NLGN1: variants seen among roughly 807,000 people sequenced by gnomAD.
NLGN1 encodes neuroligin-1.
Under a neutral mutation model 65.5 loss-of-function variants are expected in NLGN1, and 12 were observed. The observed-to-expected ratio is 0.18, with a 90% CI of 0.12 to 0.30. The LOEUF (loss-of-function observed/expected upper bound fraction) is 0.30. Ranked by LOEUF, NLGN1 falls within the 10% of genes least tolerant of loss-of-function variation. The pLI is 1.00. For synonymous variants in NLGN1, 350 were observed against 359.5 expected (o/e 0.97, Z 0.30); for missense variants, 750 against 1,007.1 (o/e 0.74, Z 3.46).
At chr3:173,964,125 T>A (rs1424919085) in intron 4 of NLGN1, among the ~76,000 whole-genome samples, 1 of 152,026 alleles carries the variant, frequency 6.6e-6, no homozygotes, top group Non-Finnish European at 1.5e-5. Context: ...CTTAAACACA[T>A]CCTATGTGTG....
chr3:174,026,523 T>C (rs1409815589), intron 4 of NLGN1, among the ~76,000 whole-genome samples: 1 of 152,012 alleles, frequency 6.6e-6, no homozygotes, highest in Non-Finnish European at 1.5e-5. Flanking sequence ...AAATGAGAAA[T>C]ACAGCACAAA....
At chr3:173,820,179 GA>G (rs63081662) in intron 4 of NLGN1, among the ~76,000 whole-genome samples, 96,961 of 137,082 alleles carry the variant, frequency 0.71, 33,527 homozygotes, top group Non-Finnish European at 0.74. Context: ...ATTCAGTCTC[GA>G]AAAAAAAAAA....
intron 4 of NLGN1, among the ~76,000 whole-genome samples, chr3:173,856,969 G>A (rs1728102898): frequency 6.6e-6 from 1 of 151,026 alleles, no homozygotes; most frequent in African/African-American, 2.4e-5. Context: ...GGAATGCCAG[G>A]AAATTGAAGA....
chr3:174,094,216 A>G (rs1745038634), intron 4 of NLGN1, among the ~76,000 whole-genome samples: 1 of 152,220 alleles, frequency 6.6e-6, no homozygotes, highest in African/African-American at 2.4e-5. Context: ...CTAAAAAGCA[A>G]TTTATAAGTT....
At chr3:173,995,649 TTC>T (rs1444408788) in intron 4 of NLGN1, among the ~76,000 whole-genome samples, 1 of 151,624 alleles carries the variant, frequency 6.6e-6, no homozygotes, top group Non-Finnish European at 1.5e-5. Flanking sequence ...TGTTTTTTTT[TTC>T]TTTTTCTTTC....
chr3:174,291,606 T>C (rs1752769648), downstream of NLGN1, among the ~76,000 whole-genome samples: 1 of 151,276 alleles, frequency 6.6e-6, no homozygotes, highest in Non-Finnish European at 1.5e-5. Flanking sequence ...ATACAAAAGA[T>C]AAGACGTTAG....
chr3:173,796,422 C>T (rs373980460), intron 3 of NLGN1, among the ~76,000 whole-genome samples: 18 of 152,184 alleles, frequency 1.2e-4, no homozygotes, highest in African/African-American at 4.1e-4. Context: ...TCATGTTAAT[C>T]GAAAAGAAAC....
chr3:173,708,153 G>C (rs1768346944), intron 3 of NLGN1, among the ~76,000 whole-genome samples: 1 of 152,104 alleles, frequency 6.6e-6, no homozygotes, highest in African/African-American at 2.4e-5. Context: ...CGTTTTGTGG[G>C]GCATGGGCCA....
chr3:174,221,903 G>A (rs1262084575), intron 4 of NLGN1, among the ~76,000 whole-genome samples: 1 of 151,910 alleles, frequency 6.6e-6, no homozygotes, highest in Non-Finnish European at 1.5e-5. Context: ...TCTGAATGTT[G>A]CTCATGTTTT....
At chr3:173,579,977 G>A (rs1272758115) in intron 2 of NLGN1, among the ~76,000 whole-genome samples, 1 of 151,958 alleles carries the variant, frequency 6.6e-6, no homozygotes, top group African/African-American at 2.4e-5. Flanking sequence ...AGGTATATAT[G>A]TTTATGGGGT....
At chr3:173,409,267 T>C (rs1231421862) in intron 1 of NLGN1, among the ~76,000 whole-genome samples, 2 of 152,232 alleles carry the variant, frequency 1.3e-5, no homozygotes, top group African/African-American at 2.4e-5. Flanking sequence ...TGTATACATA[T>C]ATATCAATAT....
intron 4 of NLGN1, among the ~76,000 whole-genome samples, chr3:174,019,614 C>A (rs7621927): frequency 0.024 from 3,669 of 152,136 alleles, 150 homozygotes; most frequent in African/African-American, 0.084. Flanking sequence ...TAGTTAGAGA[C>A]AGGTAGAGAG....
chr3:174,078,852 T>C (rs1741545362), intron 4 of NLGN1, among the ~76,000 whole-genome samples: 1 of 152,186 alleles, frequency 6.6e-6, no homozygotes, highest in African/African-American at 2.4e-5. Flanking sequence ...TTTTGCAACT[T>C]ACTACTCTGG....
At chr3:174,026,969 T>C (rs888616808) in intron 4 of NLGN1, among the ~76,000 whole-genome samples, 1 of 151,896 alleles carries the variant, frequency 6.6e-6, no homozygotes, top group African/African-American at 2.4e-5. Context: ...GCAGCAATTA[T>C]ATGTAAAAGA....
At chr3:173,809,515 A>G (rs1267204496) in intron 4 of NLGN1, among the ~76,000 whole-genome samples, 1 of 152,154 alleles carries the variant, frequency 6.6e-6, no homozygotes, top group Non-Finnish European at 1.5e-5. Context: ...ATGCTAAATT[A>G]TGGTAACAGT....
At chr3:174,156,595 G>A (rs1421428) in intron 4 of NLGN1, among the ~76,000 whole-genome samples, 39,865 of 151,490 alleles carry the variant, frequency 0.26, 6,343 homozygotes, top group East Asian at 0.66. Context: ...CAAAGGTATT[G>A]TTTTAAGAAT....
At chr3:173,960,158 T>C (rs939272282) in intron 4 of NLGN1, among the ~76,000 whole-genome samples, 3 of 152,092 alleles carry the variant, frequency 2.0e-5, no homozygotes, top group African/African-American at 7.2e-5. Flanking sequence ...CTTTGTCAAA[T>C]AATCTCCACT....
At chr3:174,194,102 T>C (rs889055844) in intron 4 of NLGN1, among the ~76,000 whole-genome samples, 2 of 152,030 alleles carry the variant, frequency 1.3e-5, no homozygotes, top group Non-Finnish European at 2.9e-5. Flanking sequence ...ATTTTTTTAT[T>C]GTGATATAAT....
At chr3:174,093,697 G>C (rs867926142) in intron 4 of NLGN1, among the ~76,000 whole-genome samples, 2 of 152,104 alleles carry the variant, frequency 1.3e-5, no homozygotes, top group African/African-American at 4.8e-5. Context: ...TAATTAAATT[G>C]TTCACACCAC....
Sources: allele counts gnomAD v4.1 joint callset (sites outside exome capture counted in the v4.1 genomes callset), GRCh38; gene constraint gnomAD v4.1.1; transcripts MANE v1.5; gene names NCBI Gene and HGNC (gene_info 2026-07-23, HGNC 2026-07-21).